The following ANXA13 variants were observed in gnomAD, a reference collection of about 807,000 sequenced individuals.
ANXA13 encodes annexin A13.
In ANXA13, 36 loss-of-function variants were observed where a neutral mutation model predicts 46.6. That is an observed-to-expected ratio of 0.77 (90% CI 0.59 to 1.02). The LOEUF (loss-of-function observed/expected upper bound fraction) is 1.02. Ranked by LOEUF, ANXA13 falls within the 50% of genes least tolerant of loss-of-function variation. The pLI, the probability that ANXA13 is intolerant of heterozygous loss-of-function variation, is 0.00. For synonymous variants in ANXA13, 163 were observed against 152.9 expected (o/e 1.07, Z -0.49); for missense variants, 417 against 396.5 (o/e 1.05, Z -0.44).
intron 9 of ANXA13, among the ~76,000 whole-genome samples, chr8:123,687,868 C>G (rs1400394694): frequency 6.6e-6 from 1 of 152,208 alleles, no homozygotes; most frequent in Admixed American, 6.5e-5. Context: ...ATGCCCATCT[C>G]TCTGCTATTT....
rs201263416 is a variant in ANXA13, at chr8:123,693,842, C to CA, written c.472-64dup. 5,079 of 1,426,178 alleles carry CA rather than the reference C, an allele frequency of 3.6e-3. 142 individuals are homozygous for CA. In the African/African-American group the frequency reaches 0.059, roughly 17 times the overall value. 88.3% of individuals were successfully genotyped at this position (1,426,178 alleles called of 1,614,324 possible). ...TGCTTGACCACAGAAAACAAACTAA[C>CA]AAAAAAAACAAAGTCCTGGAGAAAG... is the stretch of plus-strand genomic sequence containing the variant. On this transcript the variant is annotated intron_variant, in intron 6 of 10. Transcript: ENST00000419625.
intron 1 of ANXA13, among the ~76,000 whole-genome samples, chr8:123,713,930 G>A (rs199898081): frequency 3.3e-5 from 5 of 152,128 alleles, no homozygotes; most frequent in Non-Finnish European, 5.9e-5. Context: ...CTGAGCTCAG[G>A]CAATCTGCCT....
Position 123,698,540 on chromosome 8 carries a change from T to C in ANXA13, c.206A>G (p.Lys69Arg). 6.2e-7 allele frequency: 1 copy of C among 1,614,192 alleles called. No homozygotes were observed. Among genetic ancestry groups the C allele is most frequent in the Non-Finnish European group, 8.5e-7 (1 of 1,180,004 alleles). The change falls in exon 4 of 11, where the codon AAG becomes AGG. Residue 69 changes from lysine (K) to arginine (R), a missense_variant. Lys to Arg is a conservative substitution (Grantham distance 26). Coordinates refer to ENST00000419625, the MANE Select transcript of ANXA13 (RefSeq NM_004306.4). The stretch of plus-strand genomic sequence containing the variant: ...CTCGAAGTTTCCACTCAGCTCACTC[T>C]TGAGTACTTCCTCCAGCTCCTACCA... ...TYGKELEEVL[K>R]SELSGNFEKT...
intron 10 of ANXA13, among the ~76,000 whole-genome samples, chr8:123,683,792 G>C (rs1198533443): frequency 6.6e-6 from 1 of 151,862 alleles, no homozygotes; most frequent in East Asian, 1.9e-4. Context: ...TCACCATGTT[G>C]GCCAGGCCGG....
Position 123,690,177 on chromosome 8 carries a change from TA to T in ANXA13, c.643-1232del, listed in dbSNP as rs1279586283. Among the ~76,000 whole-genome samples, 45 of 152,350 alleles carry T rather than the reference TA, an allele frequency of 3.0e-4. No individual in the cohort carries two copies. Among genetic ancestry groups the T allele is most frequent in the African/African-American group, 1.0e-3 (42 of 41,580 alleles). On this transcript the variant is annotated intron_variant, in intron 8 of 10. Coordinates refer to ENST00000419625, the MANE Select transcript of ANXA13 (RefSeq NM_004306.4). The surrounding 1 kb of genome is among the most constrained non-coding windows in gnomAD (Gnocchi z 4.6). ...TCCCAGAAACAAGGTTCTTGTTCTG[TA>T]GACTGAGATCATACTTCAAGAGAAC...
Position 123,695,537 on chromosome 8 carries a change from CA to C in ANXA13, c.435del (p.Ser145ArgfsTer4). 6.2e-7 allele frequency: 1 copy of C among 1,613,940 alleles called. No individual in the cohort carries two copies. The highest frequency in any genetic ancestry group is 8.5e-7 in the Non-Finnish European group (1 of 1,179,944). On this transcript the variant is annotated frameshift_variant, in exon 6 of 11. Coordinates refer to ENST00000419625, the MANE Select transcript of ANXA13 (RefSeq NM_004306.4). LOFTEE classifies it high-confidence loss of function. ...GACACCAGGATTTTTTTTAGGTTTC[CA>C]CTTGTATCACCTTTGACATCTGATT... Reference protein sequence around the residue: ...SLESDVKGDTSGNLKKILVSL... With the variant: ...SLESDVKGDTXGNLKKILVSL...
intron 4 of ANXA13, among the ~76,000 whole-genome samples, chr8:123,698,168 C>G (rs1198018052): frequency 6.6e-6 from 1 of 152,224 alleles, no homozygotes; most frequent in Non-Finnish European, 1.5e-5. Context: ...CTGGACACAG[C>G]TCTTCTGAAA....
chr8:123,702,873 G>A, intron 2 of ANXA13, 137 bp from the exon 3 acceptor site: 1 of 707,378 alleles, frequency 1.4e-6, no homozygotes. Context: ...CGGACCCTTA[G>A]CTTTGATGCC....
At position 123,681,299 on chromosome 8, in the gene ANXA13, T is replaced by C. The variant is rs746916602; in HGVS notation, c.892A>G (p.Met298Val). ...QEKYQKSLSD[M>V]VRSDTSGDFR... ...TCCCCGGAGGTATCTGAGCGAACCATGTCAGAGAGAGACTTCTGATACTTC... is the reference window on the plus strand; with the variant it reads ...TCCCCGGAGGTATCTGAGCGAACCACGTCAGAGAGAGACTTCTGATACTTC... The change falls in exon 11 of 11, where the codon ATG becomes GTG. Residue 298 changes from methionine (M) to valine (V), a missense_variant. Physicochemically the swap from Met to Val is conservative, Grantham distance 21. Coordinates refer to ENST00000419625, the MANE Select transcript of ANXA13 (RefSeq NM_004306.4). The C allele has an allele frequency of 6.2e-5, 100 of 1,614,090 alleles. No homozygotes were observed. Among genetic ancestry groups the C allele is most frequent in the Non-Finnish European group, 4.2e-5 (49 of 1,180,032 alleles).
At chr8:123,683,426 T>G (rs994205259) in intron 10 of ANXA13, among the ~76,000 whole-genome samples, 7 of 144,592 alleles carry the variant, frequency 4.8e-5, no homozygotes, top group Non-Finnish European at 7.6e-5. Flanking sequence ...TTTAACCACT[T>G]TTTTTTTTTT....
chr8:123,692,282 C>T, intron 8 of ANXA13, among the ~76,000 whole-genome samples: 1 of 152,158 alleles, frequency 6.6e-6, no homozygotes, highest in Non-Finnish European at 1.5e-5. Context: ...ACAGACTTTC[C>T]TTGTCCAGCA....
At chr8:123,736,194 G>C (rs1471192862) in intron 1 of ANXA13, among the ~76,000 whole-genome samples, 2 of 152,190 alleles carry the variant, frequency 1.3e-5, no homozygotes, top group African/African-American at 4.8e-5. Flanking sequence ...AATATATAGC[G>C]AAGGAAAAAC....
intron 3 of ANXA13, among the ~76,000 whole-genome samples, chr8:123,700,968 A>G (rs1212136938): frequency 6.6e-6 from 1 of 152,072 alleles, no homozygotes; most frequent in African/African-American, 2.4e-5. Context: ...GACTACAGGC[A>G]CACACCACCA....
chr8:123,698,711 G>C, intron 3 of ANXA13, 152 bp from the exon 4 acceptor site: 1 of 772,600 alleles, frequency 1.3e-6, no homozygotes, highest in Non-Finnish European at 2.1e-6. Flanking sequence ...CATGCAACCT[G>C]CTCTCAGCTG....
At chr8:123,706,516 G>A (rs1471687089) in intron 2 of ANXA13, among the ~76,000 whole-genome samples, 3 of 152,104 alleles carry the variant, frequency 2.0e-5, no homozygotes, top group Non-Finnish European at 4.4e-5. Flanking sequence ...ATCAGACTAA[G>A]GCCTCTCCAT....
At chr8:123,707,986 T>C (rs886740623) in intron 2 of ANXA13, among the ~76,000 whole-genome samples, 9 of 152,088 alleles carry the variant, frequency 5.9e-5, no homozygotes, top group Non-Finnish European at 1.5e-5. Flanking sequence ...AAAACAACAC[T>C]GGATTTCCCC....
rs754459942 is a variant in ANXA13 at position 123,685,152 on chromosome 8, A to G, written c.719-430T>C. 3.2e-4 allele frequency among the ~76,000 whole-genome samples: 48 copies of G among 152,248 alleles called. 2 individuals carry two copies. Among genetic ancestry groups the G allele is most frequent in the Admixed American group, 4.6e-4 (7 of 15,298 alleles). ...CAGTTGGACAGCCGCCTGCTCTCCTATGCTCAACAACCTCCCTACTCTTTG... is the reference window on the plus strand; with the variant it reads ...CAGTTGGACAGCCGCCTGCTCTCCTGTGCTCAACAACCTCCCTACTCTTTG... On this transcript the variant is annotated intron_variant, in intron 9 of 10. Transcript: ENST00000419625.
intron 1 of ANXA13, among the ~76,000 whole-genome samples, chr8:123,725,227 A>C (rs1421446993): frequency 6.6e-6 from 1 of 152,234 alleles, no homozygotes; most frequent in Non-Finnish European, 1.5e-5. Flanking sequence ...AAAAATAATT[A>C]ATAGAATAAT....
intron 3 of ANXA13, among the ~76,000 whole-genome samples, chr8:123,702,051 T>C (rs1472071069): frequency 1.3e-5 from 2 of 152,176 alleles, no homozygotes; most frequent in African/African-American, 2.4e-5. Flanking sequence ...AGCATAATAA[T>C]TGATATTCAT....
Sources: gnomAD v4.1 joint callset for allele counts (sites outside exome capture counted in the v4.1 genomes callset) on GRCh38, gnomAD v4.1.1 for gene constraint, Gnocchi (gnomAD v3.1) non-coding constraint, MANE v1.5 for transcripts, NCBI Gene and HGNC (gene_info 2026-07-23, HGNC 2026-07-21) for gene names.